Variants in LPP observed in about 807,000 individuals in gnomAD.
LPP encodes the protein LIM domain containing preferred translocation partner in lipoma, also known as lipoma-preferred partner.
Under a neutral mutation model 60.4 loss-of-function variants are expected in LPP, and 38 were observed. The observed-to-expected ratio is 0.63, with a 90% CI of 0.49 to 0.83. The LOEUF (loss-of-function observed/expected upper bound fraction) is 0.83, where lower values mean the gene tolerates loss of function less well. Among genes scored for constraint, LPP ranks in the 40% least tolerant of loss-of-function variants. LPP has a pLI of 0.00. For missense variants in LPP, 902 were observed against 783.6 expected, an observed-to-expected ratio of 1.15 and a Z score of -1.80; for synonymous variants, 328 against 290.8, an observed-to-expected ratio of 1.13 and a Z score of -1.30.
intron 1 of LPP, among the ~76,000 whole-genome samples, chr3:188,203,079 TAATTA>T (rs1018774306): frequency 7.0e-6 from 1 of 143,778 alleles, no homozygotes; most frequent in African/African-American, 2.5e-5. Flanking sequence ...AATTATATAA[TAATTA>T]AATTATAGTA....
chr3:188,451,890 A>G (rs1796672022), intron 4 of LPP, among the ~76,000 whole-genome samples: 1 of 152,206 alleles, frequency 6.6e-6, no homozygotes, highest in Admixed American at 6.5e-5. Context: ...TTTATTCAAC[A>G]TATTTTTATG....
intron 3 of LPP, among the ~76,000 whole-genome samples, chr3:188,397,584 T>C (rs913672236): frequency 6.6e-6 from 1 of 152,076 alleles, no homozygotes; most frequent in African/African-American, 2.4e-5. Context: ...AAGTGCAGCG[T>C]GGAGGCATGT....
chr3:188,222,526 C>T (rs1286204261), intron 1 of LPP, among the ~76,000 whole-genome samples: 1 of 152,190 alleles, frequency 6.6e-6, no homozygotes, highest in South Asian at 2.1e-4. Context: ...AAATCCTTTA[C>T]ACAAGTCCAA....
chr3:188,755,038 C>G (rs1729680927), intron 8 of LPP, among the ~76,000 whole-genome samples: 1 of 152,136 alleles, frequency 6.6e-6, no homozygotes, highest in Non-Finnish European at 1.5e-5. Context: ...CTTATATAAT[C>G]TTATTGATTC....
At chr3:188,508,563 GC>G (rs1450665162) in intron 5 of LPP, among the ~76,000 whole-genome samples, 1 of 152,182 alleles carries the variant, frequency 6.6e-6, no homozygotes, top group African/African-American at 2.4e-5. Flanking sequence ...TATGAATAAT[GC>G]CAACTTATAG....
chr3:188,582,103 A>G (rs572322573), intron 6 of LPP, among the ~76,000 whole-genome samples: 2 of 145,106 alleles, frequency 1.4e-5, no homozygotes, highest in Admixed American at 6.9e-5. Flanking sequence ...GGCTCTCCTT[A>G]GTGGCTCTTC....
chr3:188,305,879 T>C lies in LPP; in HGVS notation c.-66-35784T>C, dbSNP rs568457108. 2.6e-5 allele frequency among the ~76,000 whole-genome samples: 4 copies of C among 152,264 alleles called. No individual in the cohort carries two copies. In the East Asian group the frequency reaches 7.7e-4, roughly 29 times the overall value. On this transcript the variant is annotated intron_variant, in intron 2 of 11. Transcript: ENST00000617246. ...TCCAAGGATTTTCTCGTTTACCTGT[T>C]GTTGTCTTCAATAGTTTAATTACAC...
chr3:188,502,816 T>A (rs895484690), intron 5 of LPP, among the ~76,000 whole-genome samples: 1 of 152,106 alleles, frequency 6.6e-6, no homozygotes, highest in Non-Finnish European at 1.5e-5. Flanking sequence ...TGGAAAAAAA[T>A]CACCTAATAT....
chr3:188,560,378 A>G (rs1182543534), intron 6 of LPP, among the ~76,000 whole-genome samples: 13 of 152,082 alleles, frequency 8.5e-5, no homozygotes, highest in Non-Finnish European at 4.4e-5. Context: ...TCACTACTCA[A>G]CAACCATTCA....
chr3:188,683,995 A>G (rs1333285981), intron 7 of LPP, among the ~76,000 whole-genome samples: 2 of 152,238 alleles, frequency 1.3e-5, no homozygotes, highest in Non-Finnish European at 2.9e-5. Flanking sequence ...CTCAGGCTAT[A>G]TCTTTACATG....
intron 8 of LPP, among the ~76,000 whole-genome samples, chr3:188,750,177 T>A (rs565762044): frequency 1.9e-4 from 29 of 152,356 alleles, no homozygotes; most frequent in African/African-American, 7.0e-4. Flanking sequence ...ATCCCATTCA[T>A]GACAGAGAAG....
intron 10 of LPP, among the ~76,000 whole-genome samples, chr3:188,867,980 C>T (rs575955461): frequency 6.6e-6 from 1 of 152,204 alleles, no homozygotes; most frequent in South Asian, 2.1e-4. Flanking sequence ...CACCAAAAGA[C>T]GTGAGGTTGA....
chr3:188,604,064 C>A (rs1354909668), intron 6 of LPP, among the ~76,000 whole-genome samples: 1 of 152,094 alleles, frequency 6.6e-6, no homozygotes, highest in Non-Finnish European at 1.5e-5. Flanking sequence ...CCTTCTGTTA[C>A]ATTGGAAAAT....
At chr3:188,168,922 A>G (rs1375219644) in intron 1 of LPP, among the ~76,000 whole-genome samples, 1 of 152,228 alleles carries the variant, frequency 6.6e-6, no homozygotes, top group Non-Finnish European at 1.5e-5. Flanking sequence ...TCTAAATTAG[A>G]TACAGACAAG....
chr3:188,835,995 T>C (rs1758360087), intron 9 of LPP, among the ~76,000 whole-genome samples: 1 of 152,252 alleles, frequency 6.6e-6, no homozygotes, highest in Non-Finnish European at 1.5e-5. Context: ...ATCTTGTGAA[T>C]ACCTGTCAGC....
Position 188,609,601 on chromosome 3 carries a change from C to A in LPP, c.870C>A (p.Ala290=). The A allele has an allele frequency of 6.2e-7, 1 of 1,614,150 alleles. No individual in the cohort carries two copies. Among genetic ancestry groups the A allele is most frequent in the Non-Finnish European group, 8.5e-7 (1 of 1,180,034 alleles). ...AGCCGGAGCCTGGGTATGGGTATGCCCCCAACCAGGGACGCTATTATGAAG... is the reference window on the plus strand; with the variant it reads ...AGCCGGAGCCTGGGTATGGGTATGCACCCAACCAGGGACGCTATTATGAAG... ...GLQPEPGYGY[A]PNQGRYYEGY... is the part of the protein sequence containing the mutation. The change falls in exon 7 of 12, where the codon GCC becomes GCA. Residue 290 remains alanine (A), a synonymous_variant. Transcript: ENST00000617246. This position sits in a 1 kb window ranked among gnomAD's most constrained non-coding sequence, Gnocchi z 6.9.
At chr3:188,667,005 T>C (rs887816794) in intron 7 of LPP, among the ~76,000 whole-genome samples, 3 of 152,224 alleles carry the variant, frequency 2.0e-5, no homozygotes, top group South Asian at 2.1e-4. Flanking sequence ...ATAAAAGTTA[T>C]CACTTTCTTA....
chr3:188,556,800 GTGAT>G (rs1234719291), intron 6 of LPP, among the ~76,000 whole-genome samples: 1 of 151,754 alleles, frequency 6.6e-6, no homozygotes, highest in African/African-American at 2.4e-5. Context: ...GAATGCCCTG[GTGAT>G]TGATTGACAT....
At chr3:188,842,027 A>C (rs559695108) in intron 9 of LPP, among the ~76,000 whole-genome samples, 5 of 152,248 alleles carry the variant, frequency 3.3e-5, no homozygotes, top group Admixed American at 6.5e-5. Flanking sequence ...CTATTTGAAT[A>C]CCCTTTATTT....
Sources: gnomAD v4.1 joint callset for allele counts (sites outside exome capture counted in the v4.1 genomes callset) on GRCh38, gnomAD v4.1.1 for gene constraint, Gnocchi (gnomAD v3.1) non-coding constraint, MANE v1.5 for transcripts, NCBI Gene and HGNC (gene_info 2026-07-23, HGNC 2026-07-21) for gene names.